CUL5: variants seen among roughly 807,000 people sequenced by gnomAD.
The protein encoded by CUL5 is cullin-5.
Under a neutral mutation model 108.8 loss-of-function variants are expected in CUL5, and 26 were observed. The observed-to-expected ratio is 0.24, with a 90% confidence interval of 0.18 to 0.33. CUL5 has a LOEUF of 0.33. Ranked by LOEUF, CUL5 falls within the 10% of genes least tolerant of loss-of-function variation. The pLI is 1.00. For missense variants in CUL5, 524 were observed against 909.2 expected (o/e 0.58, Z 5.45); for synonymous variants, 334 against 298.0 (o/e 1.12, Z -1.25).
Position 108,088,822 on chromosome 11 carries a change from C to G in CUL5, c.1311+163C>G, listed in dbSNP as rs188493755. ...CAAGACCTCTCGGGGGGTTATTTTT[C>G]TTTCTGAAAATTTTTATTCTACAGC... On this transcript the variant is annotated intron_variant, in intron 12 of 18. Transcript: ENST00000393094. Among the ~76,000 whole-genome samples, 1,108 of 152,010 alleles carry G rather than the reference C, an allele frequency of 7.3e-3. 22 individuals carry two copies. Among genetic ancestry groups the G allele is most frequent in the Non-Finnish European group, 6.3e-3 (428 of 67,924 alleles).
At chr11:108,072,247 T>G in intron 8 of CUL5, 85 bp from the exon 9 acceptor site, 2 of 1,135,900 alleles carry the variant, frequency 1.8e-6, no homozygotes, top group Non-Finnish European at 2.5e-6. Flanking sequence ...CAGAATACTA[T>G]TAACATTACA....
intron 11 of CUL5, among the ~76,000 whole-genome samples, chr11:108,082,283 TCTG>T (rs1020789659): frequency 6.7e-5 from 10 of 149,090 alleles, no homozygotes; most frequent in African/African-American, 1.2e-4. Flanking sequence ...TCTCTTTCTT[TCTG>T]TTTTTTTTTT....
chr11:108,040,611 CAAAAAA>C (rs71047667), intron 2 of CUL5, among the ~76,000 whole-genome samples: 67,489 of 112,670 alleles, frequency 0.6, 19,273 homozygotes, highest in East Asian at 0.87. Context: ...GACTCCGTCT[CAAAAAA>C]AAAAAAAAAA....
rs1474350780 is a variant in CUL5, at chr11:108,095,676, T to C, written c.1890T>C (p.Leu630=). The C allele has an allele frequency of 6.2e-7, 1 of 1,611,876 alleles. No homozygotes were observed. The highest frequency in any genetic ancestry group is 2.2e-5 in the East Asian group (1 of 44,860). ...CAACTGAACTCCCTGATGCTGAACTTAGGAGGACTTTATGGGTTGGTTTAT... is the reference window on the plus strand; with the variant it reads ...CAACTGAACTCCCTGATGCTGAACTCAGGAGGACTTTATGGGTTGGTTTAT... ...KLATELPDAE[L]RRTLWSLVAF... The change falls in exon 16 of 19, where the codon CTT becomes CTC. Residue 630 remains leucine, a synonymous_variant. Transcript: ENST00000393094.
rs749578838 is a variant in CUL5, at chr11:108,073,376, C to T, written c.1006-14C>T. On this transcript the variant is annotated splice_polypyrimidine_tract_variant and intron_variant, in intron 9 of 18. Transcript: ENST00000393094. The stretch of plus-strand genomic sequence containing the variant: ...TTTCTTTTAAAAACTTAATGTAAAA[C>T]CTTTTGTTTCTAGGACTCTGAGAAA... 5.6e-6 allele frequency: 7 copies of T among 1,248,442 alleles called. No homozygotes were observed. The African/African-American group carries it at 1.1e-4, about 19-fold the overall frequency. 77.3% of individuals were successfully genotyped at this position (1,248,442 alleles called of 1,614,324 possible). A position where few individuals can be genotyped will look rare whatever the true frequency, so the allele number is the denominator to read the frequency against.
At chr11:108,076,791 G>A (rs1173995385) in intron 10 of CUL5, among the ~76,000 whole-genome samples, 1 of 152,170 alleles carries the variant, frequency 6.6e-6, no homozygotes, top group East Asian at 1.9e-4. Context: ...ATTTGCTATT[G>A]AATCAGAAGT....
chr11:108,066,641 C>A (rs966789338), intron 7 of CUL5, among the ~76,000 whole-genome samples: 8 of 152,130 alleles, frequency 5.3e-5, no homozygotes, highest in Non-Finnish European at 1.0e-4. Flanking sequence ...TATTTGAATT[C>A]CCGTGGTAAC....
intron 13 of CUL5, among the ~76,000 whole-genome samples, chr11:108,093,079 G>C (rs2135234264): frequency 6.6e-6 from 1 of 152,268 alleles, no homozygotes; most frequent in Middle Eastern, 3.4e-3. Context: ...GCCTCCCAAA[G>C]TGCTGGGATT....
chr11:108,009,498 C>A, intron 1 of CUL5, 126 bp downstream of exon 1: 1 of 1,009,510 alleles, frequency 9.9e-7, no homozygotes, highest in Non-Finnish European at 1.5e-6. Flanking sequence ...GGCAGGGAAG[C>A]CGCGGTGGCA....
At position 108,050,076 on chromosome 11, in the gene CUL5, T is replaced by G. The variant is rs906701221; in HGVS notation, c.411+10T>G. 19 of 1,567,292 alleles carry G rather than the reference T, an allele frequency of 1.2e-5. No homozygotes were observed. The highest frequency in any genetic ancestry group is 1.4e-5 in the African/African-American group (1 of 73,072). ...CAGTATTGTTCGAAAGGTAAGACTA[T>G]TTTTCTCCTTGTTTTCCTAATATTC... On this transcript the variant is annotated intron_variant, in intron 4 of 18. Coordinates refer to ENST00000393094, the MANE Select transcript of CUL5 (RefSeq NM_003478.6).
At chr11:108,052,259 C>T (rs181961835) in intron 4 of CUL5, among the ~76,000 whole-genome samples, 301 of 152,238 alleles carry the variant, frequency 2.0e-3, no homozygotes, top group Non-Finnish European at 3.1e-3. Context: ...CACACGCAGT[C>T]GACCCTTCTT....
intron 12 of CUL5, 32 bp from the exon 13 acceptor site, chr11:108,089,459 TA>T: frequency 6.7e-7 from 1 of 1,489,428 alleles, no homozygotes. Flanking sequence ...TAAGAGTATA[TA>T]AGAACTGAAA....
chr11:108,040,409 C>T (rs778401277), intron 2 of CUL5, among the ~76,000 whole-genome samples: 6 of 152,050 alleles, frequency 3.9e-5, no homozygotes, highest in Admixed American at 6.6e-5. Context: ...GTCAGGAGTT[C>T]GATACCACCC....
chr11:108,088,810 G>GCCTCAAGCTATAT, intron 12 of CUL5, 151 bp downstream of exon 12: 2 of 536,866 alleles, frequency 3.7e-6, no homozygotes, highest in Non-Finnish European at 6.0e-6. Flanking sequence ...GACCTCTCGG[G>GCCTCAAGCTATAT]GGGTTATTTT....
At chr11:108,058,920 C>T (rs576181723) in intron 7 of CUL5, among the ~76,000 whole-genome samples, 15 of 152,082 alleles carry the variant, frequency 9.9e-5, no homozygotes, top group African/African-American at 9.7e-5. Flanking sequence ...AAGAGGCTTC[C>T]GAGCTGTGCT....
At chr11:108,033,971 T>TTTGGGTATGGAAAG in intron 2 of CUL5, 60 bp downstream of exon 2, 4 of 968,684 alleles carry the variant, frequency 4.1e-6, no homozygotes, top group Non-Finnish European at 6.6e-6. Flanking sequence ...TGTCTTTCCA[T>TTTGGGTATGGAAAG]ACCCAAATGG....
chr11:108,014,472 G>A (rs543137937), intron 1 of CUL5, among the ~76,000 whole-genome samples: 258 of 152,236 alleles, frequency 1.7e-3, no homozygotes, highest in African/African-American at 5.7e-3. Flanking sequence ...TAGTTACTGA[G>A]GAATATTTGA....
chr11:108,087,837 C>T (rs1320867449), intron 11 of CUL5, among the ~76,000 whole-genome samples: 1 of 152,030 alleles, frequency 6.6e-6, no homozygotes, highest in Non-Finnish European at 1.5e-5. Flanking sequence ...TGGTGGCGGG[C>T]ACCTGTAATC....
chr11:108,017,291 G>A (rs1228001021), intron 1 of CUL5, among the ~76,000 whole-genome samples: 1 of 150,948 alleles, frequency 6.6e-6, no homozygotes, highest in Non-Finnish European at 1.5e-5. Context: ...TCAGGAAGCT[G>A]AGTTGGGAGG....
Sources: gnomAD v4.1 joint callset for allele counts (sites outside exome capture counted in the v4.1 genomes callset) on GRCh38, gnomAD v4.1.1 for gene constraint, MANE v1.5 for transcripts, NCBI Gene and HGNC (gene_info 2026-07-23, HGNC 2026-07-21) for gene names.